Variants in APBB1 observed in about 807,000 individuals in gnomAD.
The protein encoded by APBB1 is adaptor protein FE65a2.
In APBB1, 22 loss-of-function variants were observed where a neutral mutation model predicts 78.4. That is an observed-to-expected ratio of 0.28 (90% CI 0.20 to 0.40). APBB1 has a LOEUF of 0.40. Among genes scored for constraint, APBB1 ranks in the 10% least tolerant of loss-of-function variants. APBB1 has a pLI of 1.00. For missense variants in APBB1, 749 were observed against 932.4 expected (o/e 0.80, Z 2.56); for synonymous variants, 369 against 372.7 (o/e 0.99, Z 0.12).
In APBB1 at chr11:6,395,616, C is replaced by T. The variant is rs1458286637; in HGVS notation, c.2051G>A (p.Arg684His). 4.4e-6 allele frequency: 7 copies of T among 1,597,796 alleles called. No individual in the cohort carries two copies. Among genetic ancestry groups the T allele is most frequent in the East Asian group, 2.2e-5 (1 of 44,630 alleles). Reference protein sequence around the residue: ...PAPPAESVARRVGWTVRRGVQ... With the variant: ...PAPPAESVARHVGWTVRRGVQ... ...ACCCCTGCGGACAGTCCACCCTACA[C>T]GCCGTGCCACAGACTCAGCAGGGGG... Residue 684 changes from arginine (R) to histidine (H), a missense_variant, in exon 15 of 15, where the codon CGT becomes CAT. Arg to His is a conservative substitution (Grantham distance 29). Transcript: ENST00000609360. This position sits in a 1 kb window ranked among gnomAD's most constrained non-coding sequence, Gnocchi z 5.2.
At chr11:6,399,720 A>G (rs1024271869) in intron 12 of APBB1, among the ~76,000 whole-genome samples, 2 of 152,228 alleles carry the variant, frequency 1.3e-5, no homozygotes, top group Non-Finnish European at 2.9e-5. Context: ...GGAGACTTCA[A>G]TAACTCCTTG....
rs1848235016 is a variant in APBB1, at chr11:6,396,549, C to T, written c.1673-334G>A. ...TCTCTCAGCGCTCATCACACTCAGA[C>T]ATCACATTGCTTCACACCACAATAA... On this transcript the variant is annotated intron_variant, in intron 12 of 14. Transcript: ENST00000609360. 7 of 304,484 alleles carry T rather than the reference C, an allele frequency of 2.3e-5. No individual in the cohort carries two copies. The South Asian group carries it at 2.4e-4, about 11-fold the overall frequency. 18.9% of individuals were successfully genotyped at this position (304,484 alleles called of 1,614,324 possible). A position where few individuals can be genotyped will look rare whatever the true frequency, so the allele number is the denominator to read the frequency against.
At chr11:6,413,954 T>C (rs1269495949) in intron 1 of APBB1, among the ~76,000 whole-genome samples, 2 of 152,016 alleles carry the variant, frequency 1.3e-5, no homozygotes, top group Non-Finnish European at 2.9e-5. Context: ...AAGAAAAAAA[T>C]AGCTCTACCT....
intron 2 of APBB1, among the ~76,000 whole-genome samples, chr11:6,408,205 A>G (rs977354738): frequency 8.5e-5 from 13 of 152,376 alleles, no homozygotes; most frequent in Admixed American, 3.3e-4. Flanking sequence ...GGGGAAGAGG[A>G]GCATGGTAAA....
rs1848507626 is a variant in APBB1, at chr11:6,401,506, C to T, written c.1503+68G>A. 6.2e-7 allele frequency: 1 copy of T among 1,613,214 alleles called. No individual in the cohort carries two copies. The highest frequency in any genetic ancestry group is 1.7e-5 in the Admixed American group (1 of 59,942). ...TGCCCTGGGGCCCCCCTACAGCACT[C>T]AGTGACCCCACCCACACCCTTGTAG... On this transcript the variant is annotated intron_variant, in intron 10 of 14. Coordinates refer to ENST00000609360, the MANE Select transcript of APBB1 (RefSeq NM_001164.5). The surrounding 1 kb of genome is among the most constrained non-coding windows in gnomAD (Gnocchi z 4.5).
chr11:6,418,480 T>C (rs944443135), intron 1 of APBB1, among the ~76,000 whole-genome samples: 3 of 152,216 alleles, frequency 2.0e-5, no homozygotes, highest in Admixed American at 2.0e-4. Context: ...GGTTAGGAAT[T>C]GGCAGTGGGA....
intron 1 of APBB1, among the ~76,000 whole-genome samples, chr11:6,417,713 G>A (rs376896418): frequency 2.0e-5 from 3 of 152,344 alleles, no homozygotes. Flanking sequence ...GAATGGATTT[G>A]AGAAATATTT....
rs1162986331 is a variant in APBB1, at chr11:6,403,853, C to G, written c.722-31G>C. The G allele has an allele frequency of 6.6e-7, 1 of 1,524,200 alleles. No individual in the cohort carries two copies. The highest frequency in any genetic ancestry group is 8.8e-7 in the Non-Finnish European group (1 of 1,135,304). The allele number at this position is 1,524,200 out of a possible 1,614,324, so 94.4% of individuals were successfully genotyped here. A position where few individuals can be genotyped will look rare whatever the true frequency, so the allele number is the denominator to read the frequency against. ...AGGTGGGAGGCTTGGTGAGGGTCAG[C>G]CTACCCAAAGAGCAGACAGCTGGTG... On this transcript the variant is annotated intron_variant, in intron 2 of 14. Coordinates refer to ENST00000609360, the MANE Select transcript of APBB1 (RefSeq NM_001164.5). The surrounding 1 kb of genome is among the most constrained non-coding windows in gnomAD (Gnocchi z 5.3).
At chr11:6,409,499 A>G (rs951216685) in intron 2 of APBB1, among the ~76,000 whole-genome samples, 2 of 152,172 alleles carry the variant, frequency 1.3e-5, no homozygotes, top group African/African-American at 4.8e-5. Context: ...CTCGTGGGTA[A>G]ATCAGGCTCA....
chr11:6,397,583 TG>T (rs1354068541), intron 12 of APBB1, among the ~76,000 whole-genome samples: 4 of 152,248 alleles, frequency 2.6e-5, no homozygotes, highest in Non-Finnish European at 4.4e-5. Context: ...CTTTCCCTGC[TG>T]GACTGAGAAA....
intron 2 of APBB1, chr11:6,404,592 C>CACAT (rs1848704673): frequency 6.5e-7 from 1 of 1,536,014 alleles, no homozygotes; most frequent in Non-Finnish European, 8.7e-7. Flanking sequence ...ACATGTCATG[C>CACAT]ACATACACAC....
At chr11:6,408,121 A>C (rs1207304835) in intron 2 of APBB1, among the ~76,000 whole-genome samples, 1 of 152,214 alleles carries the variant, frequency 6.6e-6, no homozygotes, top group Non-Finnish European at 1.5e-5. Flanking sequence ...TTCTTGCAAA[A>C]GCAAAACACA....
chr11:6,402,412 A>G (rs1349574162), intron 7 of APBB1, 164 bp downstream of exon 7: 2 of 1,082,600 alleles, frequency 1.8e-6, no homozygotes, highest in East Asian at 2.5e-5. Context: ...CTATCTCCCA[A>G]GGTCCTGGCC....
intron 12 of APBB1, among the ~76,000 whole-genome samples, chr11:6,397,947 T>C (rs1191469956): frequency 2.0e-5 from 3 of 151,620 alleles, no homozygotes; most frequent in Non-Finnish European, 4.4e-5. Context: ...GGCAGAGGGG[T>C]GTGATGTTTA....
Position 6,403,446 on chromosome 11 carries a change from C to T in APBB1, c.954+42G>A, listed in dbSNP as rs770333019. The T allele has an allele frequency of 1.1e-5, 17 of 1,614,026 alleles. No individual in the cohort carries two copies. The South Asian group carries it at 1.9e-4, about 18-fold the overall frequency. Reference sequence around the variant, plus strand: ...AGGAATCAGTATCAAAATGATGCCCCTCCTCCAGCTATCCCGTGGTAAAGC... The same window carrying T: ...AGGAATCAGTATCAAAATGATGCCCTTCCTCCAGCTATCCCGTGGTAAAGC... On this transcript the variant is annotated intron_variant, in intron 4 of 14. Transcript: ENST00000609360. The surrounding 1 kb of genome is among the most constrained non-coding windows in gnomAD (Gnocchi z 5.3).
intron 8 of APBB1, 26 bp downstream of exon 8, chr11:6,402,056 C>A (rs984228957): frequency 4.3e-6 from 7 of 1,612,034 alleles, no homozygotes; most frequent in Non-Finnish European, 5.9e-6. Context: ...GAACTCCCAC[C>A]CTCGAATCCC....
intron 1 of APBB1, among the ~76,000 whole-genome samples, chr11:6,412,576 A>C (rs1360476822): frequency 2.0e-5 from 3 of 152,170 alleles, no homozygotes; most frequent in African/African-American, 7.2e-5. Flanking sequence ...AGCGCCTGTC[A>C]CCATCTGACA....
intron 12 of APBB1, among the ~76,000 whole-genome samples, chr11:6,399,523 T>C (rs190107942): frequency 1.4e-3 from 210 of 152,234 alleles, no homozygotes; most frequent in African/African-American, 5.0e-3. Flanking sequence ...TCTAAACAGC[T>C]CTTGAATCCA....
rs1848169608 is a variant in APBB1, at chr11:6,395,636, AG to A, written c.2030del (p.Pro677LeufsTer9). ...CTACACGCCGTGCCACAGACTCAGC[AG>A]GGGGTGCTGGGAGGCAGGAGGTGGA... ...QASTSCLPAP[P>X]AESVARRVGW... On this transcript the variant is annotated frameshift_variant, in exon 15 of 15. Coordinates refer to ENST00000609360, the MANE Select transcript of APBB1 (RefSeq NM_001164.5). LOFTEE classifies it high-confidence loss of function. The surrounding 1 kb of genome is among the most constrained non-coding windows in gnomAD (Gnocchi z 5.2). 2.5e-6 allele frequency: 4 copies of A among 1,597,240 alleles called. No individual in the cohort carries two copies. Among genetic ancestry groups the A allele is most frequent in the Admixed American group, 1.7e-5 (1 of 58,384 alleles).
Sources: gnomAD v4.1 joint callset for allele counts (sites outside exome capture counted in the v4.1 genomes callset) on GRCh38, gnomAD v4.1.1 for gene constraint, Gnocchi (gnomAD v3.1) non-coding constraint, MANE v1.5 for transcripts, NCBI Gene and HGNC (gene_info 2026-07-23, HGNC 2026-07-21) for gene names.